The following ZNF652 variants were observed in gnomAD, a reference collection of about 807,000 sequenced individuals.
ZNF652 encodes zinc finger protein 652.
ZNF652 carries 16 observed loss-of-function variants against 45.2 expected under a neutral mutation model. The observed-to-expected ratio is 0.35, with a 90% CI of 0.24 to 0.54. ZNF652 has a LOEUF of 0.54. Ranked by LOEUF, ZNF652 falls within the 20% of genes least tolerant of loss-of-function variation. ZNF652 has a pLI of 0.91. For synonymous variants in ZNF652, 250 were observed against 260.6 expected (o/e 0.96, Z 0.39); for missense variants, 614 against 765.6 (o/e 0.80, Z 2.34).
intron 1 of ZNF652, among the ~76,000 whole-genome samples, chr17:49,336,965 T>TTTTTTTTTA (rs66568404): frequency 8.7e-6 from 1 of 114,792 alleles, no homozygotes. Flanking sequence ...TTTTTTTTTT[T>TTTTTTTTTA]AAGTATGTAA....
chr17:49,292,617 T>A lies in ZNF652; in HGVS notation c.*5796A>T, dbSNP rs1431015794. ...AACAGCAGCACTCAGGATCCTTTCA[T>A]CAGAAAGGGGAGGCATTCAGGAAGA... On this transcript the variant is annotated 3_prime_UTR_variant, in exon 6 of 6. Transcript: ENST00000430262. Among the ~76,000 whole-genome samples the A allele has an allele frequency of 6.6e-6, 1 of 152,036 alleles. No homozygotes were observed. The highest frequency in any genetic ancestry group is 2.4e-5 in the African/African-American group (1 of 41,380).
chr17:49,342,603 T>TA (rs1198484607), intron 1 of ZNF652, among the ~76,000 whole-genome samples: 3 of 144,564 alleles, frequency 2.1e-5, no homozygotes, highest in East Asian at 4.2e-4. Context: ...CAACATATCT[T>TA]AACTCTTCAG....
chr17:49,324,734 CTTTTTTTT>C (rs1185007907), intron 1 of ZNF652, among the ~76,000 whole-genome samples: 2 of 96,242 alleles, frequency 2.1e-5, no homozygotes, highest in East Asian at 2.8e-4. Flanking sequence ...TGGGGTAGCA[CTTTTTTTT>C]TTTTTTTTTT....
Position 49,298,611 on chromosome 17 carries a change from C to T in ZNF652, c.1623G>A (p.Arg541=), listed in dbSNP as rs1350014420. 1.2e-6 allele frequency: 2 copies of T among 1,612,114 alleles called. No homozygotes were observed. Among genetic ancestry groups the T allele is most frequent in the Non-Finnish European group, 1.7e-6 (2 of 1,179,312 alleles). Residue 541 remains arginine, a synonymous_variant, in exon 6 of 6, where the codon CGG becomes CGA. Transcript: ENST00000430262. ...NMNPVSTLPP[R]PIPHPFSHLH... ...GGTGTGAGAAGGGGTGGGGGATGGG[C>T]CGAGGGGGAAGAGTGCTTACAGGAT...
intron 1 of ZNF652, among the ~76,000 whole-genome samples, chr17:49,320,342 T>C (rs1310162986): frequency 6.6e-6 from 1 of 152,224 alleles, no homozygotes; most frequent in Non-Finnish European, 1.5e-5. Context: ...GCTACCATGT[T>C]TTACTTGACA....
intron 1 of ZNF652, among the ~76,000 whole-genome samples, chr17:49,357,534 T>C (rs2070350531): frequency 6.6e-6 from 1 of 152,196 alleles, no homozygotes; most frequent in Non-Finnish European, 1.5e-5. Context: ...ATTGAAATTG[T>C]ATTAGATAAA....
At chr17:49,316,794 GA>G in intron 2 of ZNF652, 31 bp downstream of exon 2, 2 of 1,576,644 alleles carry the variant, frequency 1.3e-6, no homozygotes, top group Non-Finnish European at 8.6e-7. Context: ...GTTCTATCCT[GA>G]AAAGTTTTCC....
At chr17:49,345,909 G>A (rs866843781) in intron 1 of ZNF652, among the ~76,000 whole-genome samples, 6 of 151,172 alleles carry the variant, frequency 4.0e-5, no homozygotes, top group Middle Eastern at 3.5e-3. Context: ...ATTTAGATGC[G>A]AAGTGTTAAC....
chr17:49,301,445 G>A (rs558423831), intron 5 of ZNF652, among the ~76,000 whole-genome samples: 4 of 152,152 alleles, frequency 2.6e-5, no homozygotes, highest in Admixed American at 2.6e-4. Flanking sequence ...TTACAGGCAT[G>A]TGCCACCACA....
chr17:49,310,648 T>A (rs1377356352), intron 5 of ZNF652, among the ~76,000 whole-genome samples: 1 of 152,176 alleles, frequency 6.6e-6, no homozygotes, highest in Non-Finnish European at 1.5e-5. Context: ...ACACCTGTAA[T>A]CCCAGCACTT....
chr17:49,330,716 T>C (rs2070013896), intron 1 of ZNF652, among the ~76,000 whole-genome samples: 1 of 152,012 alleles, frequency 6.6e-6, no homozygotes, highest in African/African-American at 2.4e-5. Context: ...TATCAGTATC[T>C]TGATCGTTAT....
At chr17:49,299,671 G>A (rs1166847426) in intron 5 of ZNF652, among the ~76,000 whole-genome samples, 1 of 151,960 alleles carries the variant, frequency 6.6e-6, no homozygotes, top group Non-Finnish European at 1.5e-5. Context: ...GTGAGCCACT[G>A]CGCCTGGCTG....
At chr17:49,346,414 G>A (rs113079826) in intron 1 of ZNF652, among the ~76,000 whole-genome samples, 2 of 152,196 alleles carry the variant, frequency 1.3e-5, no homozygotes, top group African/African-American at 4.8e-5. Context: ...AGCTAGGCAT[G>A]GTGGTGTGCA....
intron 1 of ZNF652, among the ~76,000 whole-genome samples, chr17:49,321,262 TTTTTG>T (rs201516820): frequency 5.7e-4 from 87 of 151,940 alleles, no homozygotes; most frequent in Middle Eastern, 3.4e-3. Context: ...TTCTTGGTGT[TTTTTG>T]TTTTGTTTTG....
At chr17:49,318,852 A>T (rs2069847984) in intron 1 of ZNF652, among the ~76,000 whole-genome samples, 1 of 152,234 alleles carries the variant, frequency 6.6e-6, no homozygotes, top group Non-Finnish European at 1.5e-5. Context: ...GAAGAGAAGA[A>T]AAATGTCCTT....
chr17:49,304,274 A>T (rs1050910399), intron 5 of ZNF652, among the ~76,000 whole-genome samples: 7 of 152,010 alleles, frequency 4.6e-5, no homozygotes, highest in Non-Finnish European at 1.5e-5. Flanking sequence ...GCCTACTACA[A>T]ATGCCTGGAT....
intron 2 of ZNF652, 53 bp downstream of exon 2, chr17:49,316,773 T>C (rs2069810046): frequency 1.3e-6 from 2 of 1,533,854 alleles, no homozygotes; most frequent in Non-Finnish European, 1.8e-6. Context: ...CAGATGAATC[T>C]GAACAGCCAG....
At chr17:49,352,236 C>G (rs1255620285) in intron 1 of ZNF652, among the ~76,000 whole-genome samples, 1 of 151,694 alleles carries the variant, frequency 6.6e-6, no homozygotes, top group East Asian at 1.9e-4. Flanking sequence ...GAAGATCAGT[C>G]AATATATTTT....
At chr17:49,334,939 A>C (rs770595588) in intron 1 of ZNF652, among the ~76,000 whole-genome samples, 9 of 152,172 alleles carry the variant, frequency 5.9e-5, no homozygotes, top group Non-Finnish European at 1.0e-4. Flanking sequence ...GACAGAAAGT[A>C]AATCGTCATT....
Sources: allele counts gnomAD v4.1 joint callset (sites outside exome capture counted in the v4.1 genomes callset), GRCh38; gene constraint gnomAD v4.1.1; transcripts MANE v1.5; gene names NCBI Gene and HGNC (gene_info 2026-07-23, HGNC 2026-07-21).